The following NCEH1 variants were observed in gnomAD, a reference collection of about 807,000 sequenced individuals.
NCEH1 encodes neutral cholesterol ester hydrolase 1.
A neutral mutation model predicts 25.4 loss-of-function variants in NCEH1; 9 were observed. The ratio of observed to expected loss-of-function variants is 0.35; its 90% CI spans 0.21 to 0.62. The LOEUF (loss-of-function observed/expected upper bound fraction) is 0.62, where lower values mean the gene tolerates loss of function less well. Ranked by LOEUF, NCEH1 falls within the 20% of genes least tolerant of loss-of-function variation. The pLI, the probability that NCEH1 is intolerant of heterozygous loss-of-function variation, is 0.72. For synonymous variants in NCEH1, 200 were observed against 199.8 expected, an observed-to-expected ratio of 1.00 and a Z score of -0.01; for missense variants, 412 against 501.1, an observed-to-expected ratio of 0.82 and a Z score of 1.70.
At position 172,653,741 on chromosome 3, in the gene NCEH1, TTTGTTTTTTTGTTTTTTTG is replaced by T. The variant is rs1419343395; in HGVS notation, c.139-5646_139-5628del. On this transcript the variant is annotated intron_variant, in intron 1 of 4. Transcript: ENST00000475381. Reference sequence around the variant, plus strand: ...TTGTTGTTGTTGTTGTTCTGTTTTTTTTGTTTTTTTGTTTTTTTGTTTTTTTTTTTTTTTGAGACAGAGT... The same window carrying T: ...TTGTTGTTGTTGTTGTTCTGTTTTTTTTTTTTTTTTTTTTTGAGACAGAGT... Among the ~76,000 whole-genome samples, 8 of 39,802 alleles carry T rather than the reference TTTGTTTTTTTGTTTTTTTG, an allele frequency of 2.0e-4. 1 individual carries two copies. The highest frequency in any genetic ancestry group is 8.6e-4 in the African/African-American group (8 of 9,292). The allele number at this position is 39,802 out of a possible 152,430, so 26.1% of individuals were successfully genotyped here.
intron 1 of NCEH1, among the ~76,000 whole-genome samples, chr3:172,679,092 A>G (rs1455175894): frequency 6.6e-6 from 1 of 152,172 alleles, no homozygotes; most frequent in Non-Finnish European, 1.5e-5. Flanking sequence ...AGCAACTTAG[A>G]ACTTTTAAAA....
At chr3:172,656,371 A>G (rs1717695249) in intron 1 of NCEH1, among the ~76,000 whole-genome samples, 1 of 152,222 alleles carries the variant, frequency 6.6e-6, no homozygotes, top group African/African-American at 2.4e-5. Context: ...GAGAATTCAT[A>G]ACAGGTAATT....
chr3:172,686,497 C>T (rs762010068), intron 1 of NCEH1, among the ~76,000 whole-genome samples: 5 of 152,216 alleles, frequency 3.3e-5, no homozygotes, highest in Admixed American at 1.3e-4. Flanking sequence ...CTTGATCTTA[C>T]GTCCAATTGT....
chr3:172,657,434 GCTT>G (rs1717746196), intron 1 of NCEH1, among the ~76,000 whole-genome samples: 1 of 152,010 alleles, frequency 6.6e-6, no homozygotes. Context: ...ATTGTCCTCA[GCTT>G]CTTCTCTCAC....
Sources: allele counts gnomAD v4.1 joint callset (sites outside exome capture counted in the v4.1 genomes callset), GRCh38; gene constraint gnomAD v4.1.1; transcripts MANE v1.5; gene names NCBI Gene and HGNC (gene_info 2026-07-23, HGNC 2026-07-21).